Variants in CSMD1 observed in about 807,000 individuals in gnomAD.
CSMD1 encodes CUB and sushi domain-containing protein 1.
Under a neutral mutation model 417.5 loss-of-function variants are expected in CSMD1, and 213 were observed. The ratio of observed to expected loss-of-function variants is 0.51; its 90% confidence interval spans 0.46 to 0.57. The LOEUF (loss-of-function observed/expected upper bound fraction) is 0.57. CSMD1 is among the 20% of genes least tolerant of loss of function. The probability of loss-of-function intolerance (pLI) is 0.00; values close to 1 mark genes in which losing one functional copy is unlikely to be tolerated. For missense variants in CSMD1, 6,923 were observed against 4,529.7 expected, an observed-to-expected ratio of 1.53 and a Z score of -15.17; for synonymous variants, 2,862 against 1,736.8, an observed-to-expected ratio of 1.65 and a Z score of -16.11.
intron 5 of CSMD1, among the ~76,000 whole-genome samples, chr8:3,919,375 T>C (rs1809063807): frequency 6.6e-6 from 1 of 152,052 alleles, no homozygotes; most frequent in South Asian, 2.1e-4. Flanking sequence ...TGTCTCAATC[T>C]CATGTGTTGA....
At chr8:4,280,592 G>A (rs1223313767) in intron 3 of CSMD1, among the ~76,000 whole-genome samples, 1 of 152,094 alleles carries the variant, frequency 6.6e-6, no homozygotes, top group Non-Finnish European at 1.5e-5. Flanking sequence ...GGGAAAAATG[G>A]GTACTGTTTG....
intron 38 of CSMD1, among the ~76,000 whole-genome samples, chr8:3,160,134 C>CT (rs940522691): frequency 4.6e-5 from 7 of 151,880 alleles, no homozygotes; most frequent in Non-Finnish European, 7.4e-5. Flanking sequence ...TTCTTTTTTT[C>CT]TTTTTTTAAG....
intron 1 of CSMD1, among the ~76,000 whole-genome samples, chr8:4,681,259 T>C (rs2130977865): frequency 1.3e-5 from 2 of 152,210 alleles, no homozygotes; most frequent in Admixed American, 1.3e-4. Context: ...TATGAATAAA[T>C]CCAGTCTGCT....
intron 3 of CSMD1, among the ~76,000 whole-genome samples, chr8:4,417,381 A>G (rs1797003116): frequency 6.6e-6 from 1 of 151,964 alleles, no homozygotes; most frequent in Non-Finnish European, 1.5e-5. Flanking sequence ...TGTCCGGATT[A>G]TGTTTATTCC....
intron 2 of CSMD1, among the ~76,000 whole-genome samples, chr8:4,486,981 C>T (rs1228067911): frequency 6.6e-6 from 1 of 152,168 alleles, no homozygotes; most frequent in Admixed American, 6.5e-5. Context: ...CAGCTGACGG[C>T]TACACACGCC....
intron 4 of CSMD1, among the ~76,000 whole-genome samples, chr8:4,029,343 A>T (rs1797223594): frequency 1.3e-5 from 2 of 152,204 alleles, no homozygotes; most frequent in Admixed American, 6.5e-5. Flanking sequence ...CAATTTACAA[A>T]AGAGAGGTTT....
At chr8:4,564,337 C>G (rs1798489714) in intron 2 of CSMD1, among the ~76,000 whole-genome samples, 1 of 152,054 alleles carries the variant, frequency 6.6e-6, no homozygotes, top group Non-Finnish European at 1.5e-5. Context: ...TTTTGTCTGT[C>G]TAGGCTGCTA....
At chr8:3,435,696 C>T (rs1005948060) in intron 12 of CSMD1, among the ~76,000 whole-genome samples, 10 of 152,142 alleles carry the variant, frequency 6.6e-5, no homozygotes, top group African/African-American at 2.4e-4. Flanking sequence ...CCTGCCTTCA[C>T]CCAGACCTCC....
At chr8:4,563,844 G>A (rs1026793142) in intron 2 of CSMD1, among the ~76,000 whole-genome samples, 1 of 152,122 alleles carries the variant, frequency 6.6e-6, no homozygotes, top group Non-Finnish European at 1.5e-5. Flanking sequence ...GAATATCTAG[G>A]ATATCTGCTG....
At chr8:3,465,875 A>C (rs1291780203) in intron 12 of CSMD1, among the ~76,000 whole-genome samples, 1 of 152,156 alleles carries the variant, frequency 6.6e-6, no homozygotes, top group Non-Finnish European at 1.5e-5. Flanking sequence ...ATGAGAGGGC[A>C]CACACTGAAA....
intron 2 of CSMD1, among the ~76,000 whole-genome samples, chr8:4,422,102 A>C (rs1373004551): frequency 6.6e-6 from 1 of 152,116 alleles, no homozygotes; most frequent in African/African-American, 2.4e-5. Context: ...ATGAAAAAAT[A>C]CATAATATGA....
At chr8:3,819,949 T>G (rs1252025730) in intron 5 of CSMD1, among the ~76,000 whole-genome samples, 1 of 152,170 alleles carries the variant, frequency 6.6e-6, no homozygotes, top group Non-Finnish European at 1.5e-5. Flanking sequence ...CTCCCTTGAA[T>G]AATTCATCGT....
chr8:3,638,721 T>A (rs1374494808), intron 7 of CSMD1, among the ~76,000 whole-genome samples: 1 of 152,080 alleles, frequency 6.6e-6, no homozygotes, highest in Non-Finnish European at 1.5e-5. Context: ...GTGGTCAGAA[T>A]ACAGAATGTA....
At chr8:4,293,045 C>A (rs1296095085) in intron 3 of CSMD1, among the ~76,000 whole-genome samples, 1 of 152,140 alleles carries the variant, frequency 6.6e-6, no homozygotes, top group Non-Finnish European at 1.5e-5. Flanking sequence ...TGAGAAGGGG[C>A]TATTCCACCA....
chr8:3,667,341 C>T (rs1286771725), intron 7 of CSMD1, among the ~76,000 whole-genome samples: 1 of 151,574 alleles, frequency 6.6e-6, no homozygotes, highest in Admixed American at 6.6e-5. Flanking sequence ...CAGGTGTCCC[C>T]TTGTGTAGGA....
At chr8:3,646,412 C>G (rs1797573532) in intron 7 of CSMD1, among the ~76,000 whole-genome samples, 1 of 152,082 alleles carries the variant, frequency 6.6e-6, no homozygotes, top group South Asian at 2.1e-4. Flanking sequence ...ACCATACAAT[C>G]TACTTTAACT....
intron 3 of CSMD1, among the ~76,000 whole-genome samples, chr8:4,344,541 G>A (rs73506664): frequency 3.3e-5 from 5 of 150,116 alleles, no homozygotes; most frequent in African/African-American, 4.9e-5. Flanking sequence ...TAAATAAATA[G>A]GTATATAAGA....
chr8:4,405,067 C>G (rs1804914949), intron 3 of CSMD1, among the ~76,000 whole-genome samples: 3 of 152,218 alleles, frequency 2.0e-5, no homozygotes, highest in Non-Finnish European at 2.9e-5. Flanking sequence ...TTTCTCAAAT[C>G]AATGCTGCAT....
rs533073226 is a variant in CSMD1 at position 4,535,179 on chromosome 8, A to G, written c.302+102163T>C. ...TTATATAATGCAGTATAATCTATAT[A>G]AGGTATATAAAGAACTGCTTGAAAT... On this transcript the variant is annotated intron_variant, in intron 2 of 69. Transcript: ENST00000635120. Among the ~76,000 whole-genome samples, 4 of 152,328 alleles carry G rather than the reference A, an allele frequency of 2.6e-5. No individual in the cohort carries two copies. The South Asian group carries it at 8.3e-4, about 32-fold the overall frequency.
Sources: gnomAD v4.1 joint callset for allele counts (sites outside exome capture counted in the v4.1 genomes callset) on GRCh38, gnomAD v4.1.1 for gene constraint, MANE v1.5 for transcripts, NCBI Gene and HGNC (gene_info 2026-07-23, HGNC 2026-07-21) for gene names.